The following RPF1 variants were observed in gnomAD, a reference collection of about 807,000 sequenced individuals.
The protein encoded by RPF1 is ribosome production factor 1 homolog, also known as ribosome production factor 1.
In RPF1, 34 loss-of-function variants were observed where a neutral mutation model predicts 41.9. The observed-to-expected ratio is 0.81, with a 90% CI of 0.62 to 1.08. The LOEUF (loss-of-function observed/expected upper bound fraction) is 1.08, where lower values mean the gene tolerates loss of function less well. Ranked by LOEUF, RPF1 falls within the 50% of genes least tolerant of loss-of-function variation. The pLI is 0.00. For missense variants in RPF1, 425 were observed against 435.2 expected (o/e 0.98, Z 0.21); for synonymous variants, 140 against 148.9 (o/e 0.94, Z 0.43).
intron 8 of RPF1, among the ~76,000 whole-genome samples, chr1:84,496,976 A>G (rs890947423): frequency 6.6e-6 from 1 of 151,892 alleles, no homozygotes; most frequent in Non-Finnish European, 1.5e-5. Context: ...GGTTCAAGCT[A>G]TTCTCCTGCC....
intron 5 of RPF1, among the ~76,000 whole-genome samples, chr1:84,492,617 G>T (rs988807086): frequency 1.3e-5 from 2 of 152,140 alleles, no homozygotes; most frequent in Admixed American, 6.6e-5. Flanking sequence ...ATAGTGTCTG[G>T]CACATGGTAG....
chr1:84,496,474 T>C, intron 8 of RPF1, 104 bp downstream of exon 8: 2 of 973,496 alleles, frequency 2.1e-6, no homozygotes, highest in South Asian at 3.6e-5. Flanking sequence ...CTGGGCTTAA[T>C]ACCTAGGTGA....
chr1:84,479,440 C>A lies in RPF1; in HGVS notation c.159C>A (p.Ser53Arg). The A allele has an allele frequency of 6.2e-7, 1 of 1,614,246 alleles. No homozygotes were observed. Among genetic ancestry groups the A allele is most frequent in the Non-Finnish European group, 8.5e-7 (1 of 1,180,048 alleles). Reference sequence around the variant, plus strand: ...CGGCTGCCTTTCCGCCAGGCTTTAGCATTTCGGAGATTAAAAACAAACAGC... The same window carrying A: ...CGGCTGCCTTTCCGCCAGGCTTTAGAATTTCGGAGATTAAAAACAAACAGC... ...PKAAAFPPGF[S>R]ISEIKNKQRR... The change falls in exon 1 of 9, where the codon AGC becomes AGA. Residue 53 changes from serine (S) to arginine (R), a missense_variant. Physicochemically the swap from Ser to Arg is moderately radical, Grantham distance 110. Coordinates refer to ENST00000370654, the MANE Select transcript of RPF1 (RefSeq NM_025065.7).
Position 84,496,414 on chromosome 1 carries a change from T to C in RPF1, c.1008+44T>C, listed in dbSNP as rs765632913. 31 of 1,541,644 alleles carry C rather than the reference T, an allele frequency of 2.0e-5. 1 individual carries two copies. In the South Asian group the frequency reaches 3.6e-4, roughly 18 times the overall value. ...AAAAGACTAAGTCATTTTTAAAGTA[T>C]GGGATAAGAGGGTGGGAGGAGAGAG... On this transcript the variant is annotated intron_variant, in intron 8 of 8. Coordinates refer to ENST00000370654, the MANE Select transcript of RPF1 (RefSeq NM_025065.7).
In RPF1 at chr1:84,497,305, C is replaced by T. The variant is rs1049020986; in HGVS notation, c.1009-124C>T. 27 of 696,122 alleles carry T rather than the reference C, an allele frequency of 3.9e-5. 1 individual carries two copies. Among genetic ancestry groups the T allele is most frequent in the African/African-American group, 9.2e-5 (5 of 54,284 alleles). The allele number at this position is 696,122 out of a possible 1,614,324, so 43.1% of individuals were successfully genotyped here. A position where few individuals can be genotyped will look rare whatever the true frequency, so the allele number is the denominator to read the frequency against. ...GACTATTCGGGGTCTCGCACAAACC[C>T]GGTTTTTCAGCACTAGTGTTACTTA... On this transcript the variant is annotated intron_variant, in intron 8 of 8. Coordinates refer to ENST00000370654, the MANE Select transcript of RPF1 (RefSeq NM_025065.7).
At position 84,496,078 on chromosome 1, in the gene RPF1, C is replaced by T; in HGVS notation, c.881+15C>T. 1.3e-6 allele frequency: 2 copies of T among 1,566,356 alleles called. No individual in the cohort carries two copies. The highest frequency in any genetic ancestry group is 1.7e-6 in the Non-Finnish European group (2 of 1,152,848). On this transcript the variant is annotated intron_variant, in intron 7 of 8. Transcript: ENST00000370654. ...AGATTTCACAGGTGAGGAAGGTAAA[C>T]TCATTGAACTTTGATTTCAATTATG... is the stretch of plus-strand genomic sequence containing the variant.
At chr1:84,480,458 TCTTA>T (rs1681624549) in intron 1 of RPF1, among the ~76,000 whole-genome samples, 1 of 152,198 alleles carries the variant, frequency 6.6e-6, no homozygotes, top group Non-Finnish European at 1.5e-5. Flanking sequence ...CCTTGCAAGC[TCTTA>T]CTAAATTTTA....
intron 1 of RPF1, 106 bp from the exon 2 acceptor site, chr1:84,480,850 C>T (rs755755092): frequency 1.9e-5 from 12 of 629,558 alleles, no homozygotes; most frequent in Non-Finnish European, 2.8e-5. Context: ...TTACAAAGAC[C>T]GCCCAGTTCG....
intron 3 of RPF1, among the ~76,000 whole-genome samples, chr1:84,483,486 C>T (rs570821182): frequency 2.7e-4 from 41 of 152,208 alleles, no homozygotes; most frequent in African/African-American, 8.9e-4. Flanking sequence ...AGGCTGGTCT[C>T]GAACTCCTGA....
In RPF1 at chr1:84,497,152, G is replaced by A. The variant is rs1681954964; in HGVS notation, c.1009-277G>A. On this transcript the variant is annotated intron_variant, in intron 8 of 8. Transcript: ENST00000370654. Reference sequence around the variant, plus strand: ...CCCAAAGTGCTGGGATTACAGGTGTGAGCCACCGTGCATGGCCTAAAACAT... The same window carrying A: ...CCCAAAGTGCTGGGATTACAGGTGTAAGCCACCGTGCATGGCCTAAAACAT... 2.0e-5 allele frequency among the ~76,000 whole-genome samples: 3 copies of A among 151,166 alleles called. No individual in the cohort carries two copies. The Admixed American group carries it at 2.0e-4, about 10-fold the overall frequency.
At chr1:84,486,335 C>A (rs778900635) in intron 3 of RPF1, among the ~76,000 whole-genome samples, 15 of 152,056 alleles carry the variant, frequency 9.9e-5, no homozygotes, top group Admixed American at 2.6e-4. Context: ...CGCCTGTAAT[C>A]CCAGCACTTT....
Position 84,497,498 on chromosome 1 carries a change from G to C in RPF1, c.*28G>C. The C allele has an allele frequency of 6.5e-7, 1 of 1,538,038 alleles. No homozygotes were observed. Among genetic ancestry groups the C allele is most frequent in the Non-Finnish European group, 9.0e-7 (1 of 1,116,766 alleles). Reference sequence around the variant, plus strand: ...TACTGAGAGAATGATATTGGATTTTGCTGAACAGGCCTATCTTGAACTTTG... The same window carrying C: ...TACTGAGAGAATGATATTGGATTTTCCTGAACAGGCCTATCTTGAACTTTG... On this transcript the variant is annotated 3_prime_UTR_variant, in exon 9 of 9. Coordinates refer to ENST00000370654, the MANE Select transcript of RPF1 (RefSeq NM_025065.7).
chr1:84,487,961 A>G (rs758653251), intron 3 of RPF1, among the ~76,000 whole-genome samples: 1 of 152,066 alleles, frequency 6.6e-6, no homozygotes, highest in Non-Finnish European at 1.5e-5. Context: ...TTTCCCCACA[A>G]TGAATTGTAA....
intron 3 of RPF1, among the ~76,000 whole-genome samples, chr1:84,486,983 CAA>C (rs1385490826): frequency 2.0e-5 from 3 of 152,002 alleles, no homozygotes; most frequent in African/African-American, 7.2e-5. Flanking sequence ...AAGGGGAAAT[CAA>C]GAGTTCAGTT....
rs1271334535 is a variant in RPF1 at position 84,479,515 on chromosome 1, C to G, written c.228+6C>G. On this transcript the variant is annotated splice_donor_region_variant and intron_variant, in intron 1 of 8. Transcript: ENST00000370654. ...GGAAACAGCAGCAGCGGAAGGTACG[C>G]GAGAGGCGGGGGCTGCCGGGCGCTT... 6.2e-7 allele frequency: 1 copy of G among 1,613,204 alleles called. No homozygotes were observed. The highest frequency in any genetic ancestry group is 1.3e-5 in the African/African-American group (1 of 75,040).
Position 84,479,323 on chromosome 1 carries a change from A to T in RPF1, c.42A>T (p.Lys14Asn), listed in dbSNP as rs747647345. 4.3e-6 allele frequency: 7 copies of T among 1,609,960 alleles called. No homozygotes were observed. In the African/African-American group the frequency reaches 9.4e-5, roughly 22 times the overall value. ...ATAAGAGCAGCAGCAGCGGGAAGAA[A>T]AGTCTAAAACGGAAAGCCGCTGCCG... The part of the protein sequence containing the change: ...AGDKSSSSGK[K>N]SLKRKAAAEE... Residue 14 changes from lysine to asparagine, a missense_variant, in exon 1 of 9, where the codon AAA becomes AAT. By Grantham distance (94) the Lys-to-Asn change is moderately conservative (BLOSUM62 0). Coordinates refer to ENST00000370654, the MANE Select transcript of RPF1 (RefSeq NM_025065.7).
chr1:84,491,742 G>A (rs535496444), intron 5 of RPF1, among the ~76,000 whole-genome samples: 1 of 152,170 alleles, frequency 6.6e-6, no homozygotes, highest in Non-Finnish European at 1.5e-5. Flanking sequence ...TCACTTTGAG[G>A]CCACTAGTAA....
At chr1:84,487,914 A>G (rs1681762768) in intron 3 of RPF1, among the ~76,000 whole-genome samples, 1 of 152,134 alleles carries the variant, frequency 6.6e-6, no homozygotes, top group Non-Finnish European at 1.5e-5. Flanking sequence ...TACTGGTTAT[A>G]TATAACCAGT....
In RPF1 at chr1:84,497,421, A is replaced by C. The variant is rs1361614711; in HGVS notation, c.1009-8A>C. On this transcript the variant is annotated splice_polypyrimidine_tract_variant and splice_region_variant and intron_variant, in intron 8 of 8. Transcript: ENST00000370654. ...TTCTTCCTCCACTCCCTTGCTTTCC[A>C]CTTTCAGCCCCGGGAAATGGATACA... 6.2e-7 allele frequency: 1 copy of C among 1,609,418 alleles called. No homozygotes were observed. The highest frequency in any genetic ancestry group is 2.2e-5 in the East Asian group (1 of 44,706).
Sources: gnomAD v4.1 joint callset for allele counts (sites outside exome capture counted in the v4.1 genomes callset) on GRCh38, gnomAD v4.1.1 for gene constraint, MANE v1.5 for transcripts, NCBI Gene and HGNC (gene_info 2026-07-23, HGNC 2026-07-21) for gene names.